MCM7: variants seen among roughly 807,000 people sequenced by gnomAD.
MCM7 encodes the protein DNA replication licensing factor MCM7.
Under a neutral mutation model 83.5 loss-of-function variants are expected in MCM7, and 95 were observed. The ratio of observed to expected loss-of-function variants is 1.14; its 90% CI spans 0.96 to 1.35. MCM7 has a LOEUF of 1.35. Among genes scored for constraint, MCM7 ranks in the 40% most tolerant of loss-of-function variants. MCM7 has a pLI of 0.00. For missense variants in MCM7, 1,087 were observed against 957.4 expected (o/e 1.14, Z -1.79); for synonymous variants, 461 against 352.7 (o/e 1.31, Z -3.44).
rs751461458 is a variant in MCM7, at chr7:100,101,335, G to A, written c.-41C>T. On this transcript the variant is annotated 5_prime_UTR_variant, in exon 1 of 15. Coordinates refer to ENST00000303887, the MANE Select transcript of MCM7 (RefSeq NM_005916.5). ...TGCGGCCGCGCTTGGCGGGCTCAGA[G>A]GTCTTGCTCCTGGGGAAGCTGAGAA... 3.7e-6 allele frequency: 6 copies of A among 1,612,432 alleles called. No homozygotes were observed. Among genetic ancestry groups the A allele is most frequent in the Non-Finnish European group, 5.1e-6 (6 of 1,179,728 alleles).
intron 11 of MCM7, 36 bp downstream of exon 11, chr7:100,095,738 C>CT (rs1181258267): frequency 6.5e-7 from 1 of 1,537,708 alleles, no homozygotes; most frequent in Non-Finnish European, 8.7e-7. Flanking sequence ...CAGATCATTA[C>CT]AGGGGACCTC....
Position 100,097,932 on chromosome 7 carries a change from G to A in MCM7, c.887C>T (p.Thr296Ile), listed in dbSNP as rs1795730458. ...CACAATCCGATGGGCTTCCAGGTAG[G>A]TTTCTGAGAGTAAACCCTTGGGCAG... ...RQVVQGLLSE[T>I]YLEAHRIVKM... is the part of the protein sequence containing the mutation. The change falls in exon 8 of 15, where the codon ACC (threonine) becomes ATC (isoleucine). Residue 296 changes from threonine (T) to isoleucine (I), a missense_variant. Thr to Ile is a moderately conservative substitution (Grantham distance 89). Transcript: ENST00000303887. The A allele has an allele frequency of 1.9e-6, 3 of 1,614,164 alleles. No individual in the cohort carries two copies. Among genetic ancestry groups the A allele is most frequent in the Admixed American group, 3.3e-5 (2 of 60,012 alleles).
At chr7:100,093,604 G>A (rs769744195) in intron 13 of MCM7, 10 of 768,934 alleles carry the variant, frequency 1.3e-5, no homozygotes, top group Middle Eastern at 2.3e-4. Context: ...CCAGGGCAGC[G>A]TCCAGCAATT....
rs747105427 is a variant in MCM7, at chr7:100,095,833, G to C, written c.1536C>G (p.Leu512=). 6.8e-6 allele frequency: 11 copies of C among 1,609,556 alleles called. No homozygotes were observed. Among genetic ancestry groups the C allele is most frequent in the Non-Finnish European group, 9.3e-6 (11 of 1,178,296 alleles). Residue 512 remains leucine (L), a synonymous_variant, in exon 11 of 15, where the codon CTC becomes CTG. Coordinates refer to ENST00000303887, the MANE Select transcript of MCM7 (RefSeq NM_005916.5). ...TCAGCCAGAGGAGGTCAAACCGGGA[G>C]AGCAGTGCAGCAGGTAGCTGTATGT... The part of the protein sequence containing the change: ...EQNIQLPAAL[L]SRFDLLWLIQ...
chr7:100,094,024 T>C, intron 13 of MCM7, 149 bp downstream of exon 13: 1 of 995,352 alleles, frequency 1.0e-6, no homozygotes, highest in Non-Finnish European at 1.6e-6. Flanking sequence ...CACAGTGCGG[T>C]AGCACGGAGA....
chr7:100,098,238 T>C lies in MCM7; in HGVS notation c.773A>G (p.Glu258Gly), dbSNP rs149023255. ...NIPRSITVLV[E>G]GENTRIAQPG... The stretch of plus-strand genomic sequence containing the variant: ...CTGGGCAATCCTTGTGTTCTCTCCT[T>C]CTACCAGCACCGTGATACTACGAGG... Residue 258 changes from glutamate (E) to glycine (G), a missense_variant, in exon 7 of 15, where the codon GAA becomes GGA. Glu to Gly is a moderately conservative substitution (Grantham distance 98). Transcript: ENST00000303887. 214 of 1,613,988 alleles carry C rather than the reference T, an allele frequency of 1.3e-4. No individual in the cohort carries two copies. The highest frequency in any genetic ancestry group is 1.8e-4 in the Non-Finnish European group (208 of 1,180,014).
Position 100,097,631 on chromosome 7 carries a change from C to A in MCM7, c.1100G>T (p.Arg367Leu). 6.2e-7 allele frequency: 1 copy of A among 1,613,962 alleles called. No homozygotes were observed. Residue 367 changes from arginine to leucine, a missense_variant, in exon 9 of 15, where the codon CGA (arginine) becomes CTA (leucine). Physicochemically the swap from Arg to Leu is moderately radical, Grantham distance 102. Coordinates refer to ENST00000303887, the MANE Select transcript of MCM7 (RefSeq NM_005916.5). ...CTTCTTACCCCGGATTTTCATGCCT[C>A]GAGGAGACTGGTCCACACCCCCGAC... ...LLVGGVDQSP[R>L]GMKIRGNINI... is the part of the protein sequence containing the mutation.
intron 13 of MCM7, chr7:100,093,667 T>A (rs1178239071): frequency 1.4e-6 from 1 of 721,468 alleles, no homozygotes; most frequent in African/African-American, 1.7e-5. Context: ...AGCTGTCCTG[T>A]GAGGGAGACC....
rs757428191 is a variant in MCM7 at position 100,093,417 on chromosome 7, G to C, written c.1849-16C>G. 19 of 1,611,448 alleles carry C rather than the reference G, an allele frequency of 1.2e-5. No individual in the cohort carries two copies. Among genetic ancestry groups the C allele is most frequent in the Admixed American group, 6.7e-5 (4 of 60,010 alleles). On this transcript the variant is annotated splice_polypyrimidine_tract_variant and intron_variant, in intron 13 of 14. Transcript: ENST00000303887. ...TCAGACGTGCCTAAGGGGAAGGTAG[G>C]GGGGAAAGATGGGAACGGGAGGAGG...
chr7:100,098,107 G>A (rs1400875926), intron 7 of MCM7, 34 bp downstream of exon 7: 2 of 1,610,660 alleles, frequency 1.2e-6, no homozygotes, highest in South Asian at 1.1e-5. Flanking sequence ...GGGAAAAGGG[G>A]ATGATCCATT....
At chr7:100,100,592 G>T in intron 1 of MCM7, 4 of 990,418 alleles carry the variant, frequency 4.0e-6, no homozygotes, top group Non-Finnish European at 4.8e-6. Context: ...CTCCGCCCAG[G>T]GCGGGAGCCA....
At position 100,093,751 on chromosome 7, in the gene MCM7, G is replaced by A. The variant is rs1422519970; in HGVS notation, c.1849-350C>T. On this transcript the variant is annotated intron_variant, in intron 13 of 14. Coordinates refer to ENST00000303887, the MANE Select transcript of MCM7 (RefSeq NM_005916.5). ...GGGGAGCTCAGCCAAGAAGACAATT[G>A]GCAGAGAGAACGTGTCCCGGGGGCT... The A allele has an allele frequency of 4.8e-6, 3 of 626,110 alleles. No homozygotes were observed. In the African/African-American group the frequency reaches 5.4e-5, roughly 11 times the overall value. The allele number at this position is 626,110 out of a possible 1,614,324, so 38.8% of individuals were successfully genotyped here.
In MCM7 at chr7:100,098,703, T is replaced by C. The variant is rs1219730139; in HGVS notation, c.595A>G (p.Thr199Ala). The change falls in exon 6 of 15, where the codon ACT becomes GCT. Residue 199 changes from threonine to alanine, a missense_variant. By Grantham distance (58) the Thr-to-Ala change is moderately conservative. Transcript: ENST00000303887. ...AETYQPIQSP[T>A]FMPLIMCPSQ... ...GGGCACATGATCAGAGGCATGAAAG[T>C]GGGAGACTGGATCTAGGATGTGAGA... 14 of 1,614,014 alleles carry C rather than the reference T, an allele frequency of 8.7e-6. No homozygotes were observed. Among genetic ancestry groups the C allele is most frequent in the Non-Finnish European group, 1.2e-5 (14 of 1,180,010 alleles).
At chr7:100,097,055 A>G (rs547958079) in intron 10 of MCM7, among the ~76,000 whole-genome samples, 3 of 152,176 alleles carry the variant, frequency 2.0e-5, no homozygotes, top group Non-Finnish European at 4.4e-5. Context: ...GAACCGAGAT[A>G]GCGCCACTGC....
At chr7:100,093,905 A>C (rs1324501742) in intron 13 of MCM7, 3 of 685,488 alleles carry the variant, frequency 4.4e-6, no homozygotes, top group Non-Finnish European at 8.3e-6. Flanking sequence ...GATCTAGGAC[A>C]CATGGAGTGA....
chr7:100,099,437 G>A (rs187978393), intron 3 of MCM7, 34 bp from the exon 4 acceptor site: 27,230 of 1,135,730 alleles, frequency 0.024, 224 homozygotes, highest in Non-Finnish European at 0.03. Flanking sequence ...AAAAAAAAAA[G>A]AGCAACAGGA....
intron 1 of MCM7, 110 bp from the exon 2 acceptor site, chr7:100,100,203 A>G (rs1344337106): frequency 1.4e-6 from 2 of 1,476,724 alleles, no homozygotes; most frequent in African/African-American, 1.4e-5. Flanking sequence ...GAGCATTTAA[A>G]TAAACCTACC....
In MCM7 at chr7:100,093,895, G is replaced by A. The variant is rs1218658109; in HGVS notation, c.1848+278C>T. The stretch of plus-strand genomic sequence containing the variant: ...ACAGAAAGGAAGGTCTGTAGCACAG[G>A]ATCTAGGACACATGGAGTGAAACAG... On this transcript the variant is annotated intron_variant, in intron 13 of 14. Transcript: ENST00000303887. The A allele has an allele frequency of 5.9e-6, 4 of 677,300 alleles. No individual in the cohort carries two copies. The East Asian group carries it at 1.2e-4, about 20-fold the overall frequency. The allele number at this position is 677,300 out of a possible 1,614,324, so 42.0% of individuals were successfully genotyped here. A position where few individuals can be genotyped will look rare whatever the true frequency, so the allele number is the denominator to read the frequency against.
chr7:100,100,630 G>C (rs1042345750), intron 1 of MCM7: 1 of 991,042 alleles, frequency 1.0e-6, no homozygotes, highest in Non-Finnish European at 1.2e-6. Flanking sequence ...CACACCCAGA[G>C]ACACCGCGAT....
Sources: allele counts gnomAD v4.1 joint callset (sites outside exome capture counted in the v4.1 genomes callset), GRCh38; gene constraint gnomAD v4.1.1; transcripts MANE v1.5; gene names NCBI Gene and HGNC (gene_info 2026-07-23, HGNC 2026-07-21).